Variants in TMEM117 observed in about 807,000 individuals in gnomAD.
TMEM117 encodes transmembrane protein 117.
TMEM117 carries 27 observed loss-of-function variants against 52.4 expected under a neutral mutation model. That is an observed-to-expected ratio of 0.51 (90% CI 0.38 to 0.71). The LOEUF (loss-of-function observed/expected upper bound fraction) is 0.71. Ranked by LOEUF, TMEM117 falls within the 30% of genes least tolerant of loss-of-function variation. The pLI, the probability that TMEM117 is intolerant of heterozygous loss-of-function variation, is 0.00. For missense variants in TMEM117, 556 were observed against 630.5 expected, an observed-to-expected ratio of 0.88 and a Z score of 1.26; for synonymous variants, 215 against 206.3, an observed-to-expected ratio of 1.04 and a Z score of -0.36.
At chr12:43,914,070 A>G (rs533122820) in intron 2 of TMEM117, among the ~76,000 whole-genome samples, 1 of 152,156 alleles carries the variant, frequency 6.6e-6, no homozygotes, top group Non-Finnish European at 1.5e-5. Context: ...GAGGGCAGAC[A>G]AAGTATCACA....
At chr12:43,831,839 G>A (rs1274790787), upstream of TMEM117, among the ~76,000 whole-genome samples, 5 of 151,986 alleles carry the variant, frequency 3.3e-5, no homozygotes, top group African/African-American at 7.3e-5. Context: ...CACCGTGCCC[G>A]GCCTTACTTC....
chr12:44,007,793 G>A (rs1946223887), intron 3 of TMEM117, among the ~76,000 whole-genome samples: 3 of 152,134 alleles, frequency 2.0e-5, no homozygotes, highest in Middle Eastern at 3.2e-3. Flanking sequence ...TTTGTAAAGA[G>A]GAGTTCCCCT....
At chr12:43,863,285 A>T (rs986100554) in intron 2 of TMEM117, among the ~76,000 whole-genome samples, 7 of 151,812 alleles carry the variant, frequency 4.6e-5, no homozygotes, top group Admixed American at 2.0e-4. Context: ...CAAACAAACA[A>T]AACTTCAAGG....
At chr12:43,921,567 C>T (rs1944694703) in intron 2 of TMEM117, among the ~76,000 whole-genome samples, 2 of 152,188 alleles carry the variant, frequency 1.3e-5, no homozygotes, top group South Asian at 4.1e-4. Context: ...AAGACCTTTG[C>T]AAAGAAGAGC....
intron 3 of TMEM117, among the ~76,000 whole-genome samples, chr12:43,989,086 C>T (rs1414233955): frequency 1.3e-5 from 2 of 152,116 alleles, no homozygotes; most frequent in African/African-American, 2.4e-5. Context: ...GAAAAGGGAG[C>T]GGTGGTACCA....
rs528369571 is a variant in TMEM117 at position 43,851,839 on chromosome 12, C to A, written c.277+6911C>A. Among the ~76,000 whole-genome samples, 54 of 152,308 alleles carry A rather than the reference C, an allele frequency of 3.5e-4. No individual in the cohort carries two copies. The South Asian group carries it at 3.7e-3, about 11-fold the overall frequency. On this transcript the variant is annotated intron_variant, in intron 2 of 7. Transcript: ENST00000266534. Reference sequence around the variant, plus strand: ...TGAAAATTGTAAGTTCAACAGAGGTCTTTTTCTTTGCACCAAATTGTAGAA... The same window carrying A: ...TGAAAATTGTAAGTTCAACAGAGGTATTTTTCTTTGCACCAAATTGTAGAA...
intron 5 of TMEM117, among the ~76,000 whole-genome samples, chr12:44,269,207 A>G (rs1025343806): frequency 2.0e-5 from 3 of 152,154 alleles, no homozygotes; most frequent in Admixed American, 6.5e-5. Context: ...AAAGTAACAC[A>G]TGCAAATGGT....
At position 44,388,050 on chromosome 12, in the gene TMEM117, T is replaced by C; in HGVS notation, c.923T>C (p.Ile308Thr). ...GGCAAATGGTTTAACTATGGAATTA[T>C]CTTCCTCGTCTTGATTTTGGATCTT... is the stretch of plus-strand genomic sequence containing the variant. Reference protein sequence around the residue: ...ITGKWFNYGIIFLVLILDLNM... With the variant: ...ITGKWFNYGITFLVLILDLNM... The change falls in exon 8 of 8, where the codon ATC becomes ACC. Residue 308 changes from isoleucine to threonine, a missense_variant. Around this residue, in one of 3 missense-constraint regions of TMEM117, gnomAD observed 22 missense variants for 48.1 expected, o/e 0.46. Coordinates refer to ENST00000266534, the MANE Select transcript of TMEM117 (RefSeq NM_032256.3). The C allele has an allele frequency of 6.2e-7, 1 of 1,611,036 alleles. No individual in the cohort carries two copies. Among genetic ancestry groups the C allele is most frequent in the South Asian group, 1.1e-5 (1 of 90,876 alleles).
downstream of TMEM117, among the ~76,000 whole-genome samples, chr12:44,391,496 G>GTAA (rs559250799): frequency 2.1e-4 from 32 of 152,136 alleles, no homozygotes; most frequent in South Asian, 6.4e-3. Context: ...TTTCACACAA[G>GTAA]TAATGTCCAA....
chr12:44,190,619 T>TA (rs1949338331), intron 4 of TMEM117, among the ~76,000 whole-genome samples: 1 of 152,092 alleles, frequency 6.6e-6, no homozygotes, highest in East Asian at 1.9e-4. Context: ...TACAGCTCCT[T>TA]ATTCACAATT....
At chr12:44,198,434 A>G (rs1949449761) in intron 4 of TMEM117, among the ~76,000 whole-genome samples, 1 of 152,200 alleles carries the variant, frequency 6.6e-6, no homozygotes, top group Admixed American at 6.5e-5. Flanking sequence ...TGCCTATTCC[A>G]TAAGAAAAGT....
chr12:43,918,714 C>G (rs756282866), intron 2 of TMEM117, among the ~76,000 whole-genome samples: 2 of 152,194 alleles, frequency 1.3e-5, no homozygotes, highest in African/African-American at 2.4e-5. Context: ...CTCTTGAACA[C>G]TGGGAATTAT....
rs1237091892 is a variant in TMEM117 at position 44,143,588 on chromosome 12, A to G, written c.474A>G (p.Val158=). ...RNESFMKLAA[V]GTWMGDFVTA... is the part of the protein sequence containing the mutation. ...AAAGTTTCATGAAATTAGCTGCAGT[A>G]GGGACCTGGATGGGGGACTTTGTCA... The change falls in exon 4 of 8, where the codon GTA becomes GTG. Residue 158 remains valine, a synonymous_variant. Coordinates refer to ENST00000266534, the MANE Select transcript of TMEM117 (RefSeq NM_032256.3). The G allele has an allele frequency of 3.7e-6, 6 of 1,613,926 alleles. No individual in the cohort carries two copies. The African/African-American group carries it at 8.0e-5, about 22-fold the overall frequency.
chr12:44,225,828 A>G (rs927543898), intron 5 of TMEM117, among the ~76,000 whole-genome samples: 1 of 152,154 alleles, frequency 6.6e-6, no homozygotes, highest in African/African-American at 2.4e-5. Flanking sequence ...ACAGTGGATT[A>G]AAGTTACTGG....
chr12:44,280,472 T>A (rs1443246550), intron 5 of TMEM117, among the ~76,000 whole-genome samples: 1 of 152,202 alleles, frequency 6.6e-6, no homozygotes, highest in African/African-American at 2.4e-5. Flanking sequence ...GGAAATTTAC[T>A]CATCTTTTAG....
chr12:44,365,705 T>C (rs537591700), intron 6 of TMEM117, among the ~76,000 whole-genome samples: 1 of 152,116 alleles, frequency 6.6e-6, no homozygotes, highest in Admixed American at 6.6e-5. Context: ...TTGCTTAGTC[T>C]GAATTGAATA....
chr12:44,224,990 G>A (rs972312315), intron 5 of TMEM117, among the ~76,000 whole-genome samples: 2 of 152,118 alleles, frequency 1.3e-5, no homozygotes, highest in Non-Finnish European at 2.9e-5. Context: ...CATAAGGAAT[G>A]AGAATGCTGA....
intron 6 of TMEM117, among the ~76,000 whole-genome samples, chr12:44,369,412 G>C (rs1440100269): frequency 6.6e-5 from 10 of 152,124 alleles, no homozygotes; most frequent in African/African-American, 2.4e-4. Context: ...TACTTTTCAG[G>C]CCTCTTCTGG....
At chr12:44,368,851 C>T (rs1484364808) in intron 6 of TMEM117, among the ~76,000 whole-genome samples, 1 of 152,108 alleles carries the variant, frequency 6.6e-6, no homozygotes, top group East Asian at 1.9e-4. Flanking sequence ...ATTGGAGGAA[C>T]ATGCATTTGA....
Sources: allele counts gnomAD v4.1 joint callset (sites outside exome capture counted in the v4.1 genomes callset), GRCh38; gene constraint gnomAD v4.1.1; regional missense constraint gnomAD v4.1.1; transcripts MANE v1.5; gene names NCBI Gene and HGNC (gene_info 2026-07-23, HGNC 2026-07-21).